Variants in PTCH1 observed in about 807,000 individuals in gnomAD.
PTCH1 encodes protein patched homolog 1.
In PTCH1, 14 loss-of-function variants were observed where a neutral mutation model predicts 144.6. That is an observed-to-expected ratio of 0.10 (90% CI 0.06 to 0.15). PTCH1 has a LOEUF of 0.15. Among genes scored for constraint, PTCH1 ranks in the 10% least tolerant of loss-of-function variants. PTCH1 has a pLI of 1.00. For missense variants in PTCH1, 1,623 were observed against 1,948.3 expected, an observed-to-expected ratio of 0.83 and a Z score of 3.14; for synonymous variants, 833 against 793.6, an observed-to-expected ratio of 1.05 and a Z score of -0.83.
At chr9:95,507,933 C>CA in intron 1 of PTCH1, 1 of 1,440,850 alleles carries the variant, frequency 6.9e-7, no homozygotes, top group Non-Finnish European at 9.2e-7. Flanking sequence ...CACACACACA[C>CA]CTCCACCCCC....
Position 95,469,217 on chromosome 9 carries a change from C to T in PTCH1, c.1848-64G>A, listed in dbSNP as rs1840335440. On this transcript the variant is annotated intron_variant, in intron 13 of 23. Transcript: ENST00000331920. ...ACAGGGAAATGGTGCTTTCATTCTG[C>T]CATTTTTCACTGTGTACGGAGAATA... 2.5e-6 allele frequency: 4 copies of T among 1,597,688 alleles called. No individual in the cohort carries two copies. The African/African-American group carries it at 4.0e-5, about 16-fold the overall frequency.
chr9:95,478,141 A>C lies in PTCH1; in HGVS notation c.1261T>G (p.Ser421Ala). Reference sequence around the variant, plus strand: ...TCGTCCAGGGTCGTGGTGGTGAAGGAAAGCACCTTTTGAGTGGAGTTCTGT... The same window carrying C: ...TCGTCCAGGGTCGTGGTGGTGAAGGCAAGCACCTTTTGAGTGGAGTTCTGT... ...VAQNSTQKVL[S>A]FTTTTLDDIL... The change falls in exon 9 of 24, where the codon TCC (serine) becomes GCC (alanine). Residue 421 changes from serine to alanine, a missense_variant. Around this residue, in one of 7 missense-constraint regions of PTCH1, gnomAD observed 230 missense variants for 271.0 expected, o/e 0.85. Coordinates refer to ENST00000331920, the MANE Select transcript of PTCH1 (RefSeq NM_000264.5). The C allele has an allele frequency of 6.2e-7, 1 of 1,614,186 alleles. No individual in the cohort carries two copies. The highest frequency in any genetic ancestry group is 8.5e-7 in the Non-Finnish European group (1 of 1,180,038).
At chr9:95,515,248 G>C (rs1376922139) in intron 1 of PTCH1, among the ~76,000 whole-genome samples, 2 of 152,184 alleles carry the variant, frequency 1.3e-5, no homozygotes, top group Non-Finnish European at 2.9e-5. Flanking sequence ...GCTGAAAAAG[G>C]ACTATTGTGG....
At chr9:95,463,107 C>A (rs1788895954) in intron 15 of PTCH1, among the ~76,000 whole-genome samples, 1 of 151,748 alleles carries the variant, frequency 6.6e-6, no homozygotes, top group Non-Finnish European at 1.5e-5. Context: ...TTGGACACGG[C>A]TAGTAAGAAG....
At chr9:95,509,664 A>AT (rs1393109039), upstream of PTCH1, among the ~76,000 whole-genome samples, 3 of 152,130 alleles carry the variant, frequency 2.0e-5, no homozygotes, top group Non-Finnish European at 4.4e-5. Flanking sequence ...GAAATGTAAT[A>AT]TTTTTTTAAG....
Position 95,449,425 on chromosome 9 carries a change from CCCT to C in PTCH1, c.3550-105_3550-103del. 6.8e-7 allele frequency: 1 copy of C among 1,464,370 alleles called. No individual in the cohort carries two copies. The allele number at this position is 1,464,370 out of a possible 1,614,324, so 90.7% of individuals were successfully genotyped here. On this transcript the variant is annotated intron_variant, in intron 21 of 23. Coordinates refer to ENST00000331920, the MANE Select transcript of PTCH1 (RefSeq NM_000264.5). This position sits in a 1 kb window ranked among gnomAD's most constrained non-coding sequence, Gnocchi z 5.3. ...ATTTTTCAGGGGCCTCTGTTCCCTG[CCCT>C]GGGGCCCTGCGCACTGTGCCGTATT... is the stretch of plus-strand genomic sequence containing the variant.
In PTCH1 at chr9:95,477,615, G is replaced by T; in HGVS notation, c.1435C>A (p.Leu479Met). 1 of 1,614,230 alleles carries T rather than the reference G, an allele frequency of 6.2e-7. No homozygotes were observed. The highest frequency in any genetic ancestry group is 8.5e-7 in the Non-Finnish European group (1 of 1,180,040). Residue 479 changes from leucine (L) to methionine (M), a missense_variant, in exon 10 of 24, where the codon CTG becomes ATG. Physicochemically the swap from Leu to Met is conservative, Grantham distance 15. Transcript: ENST00000331920. ...AGGCCCAGTCCTGCAGCCACTGACA[G>T]TGCAACCAGCAGGACGCCAGCCAGC... is the stretch of plus-strand genomic sequence containing the variant. Reference protein sequence around the residue: ...VGLAGVLLVALSVAAGLGLCS... With the variant: ...VGLAGVLLVAMSVAAGLGLCS...
In PTCH1 at chr9:95,449,101, C is replaced by T. The variant is rs148350525; in HGVS notation, c.3772G>A (p.Ala1258Thr). The change falls in exon 22 of 24, where the codon GCC (alanine) becomes ACC (threonine). Residue 1258 changes from alanine to threonine, a missense_variant. Transcript: ENST00000331920. The surrounding 1 kb of genome is among the most constrained non-coding windows in gnomAD (Gnocchi z 5.3). ...TGGGCGAAGACGGGGTTTTCTGTGG[C>T]TTCCACGATCACTTGGTGGGCAGGG... ...GGPAHQVIVE[A>T]TENPVFAHST... The T allele has an allele frequency of 6.2e-7, 1 of 1,614,114 alleles. No individual in the cohort carries two copies. The highest frequency in any genetic ancestry group is 1.3e-5 in the African/African-American group (1 of 74,958).
chr9:95,470,812 C>G (rs535776134), intron 12 of PTCH1, among the ~76,000 whole-genome samples: 9 of 152,080 alleles, frequency 5.9e-5, no homozygotes, highest in African/African-American at 2.2e-4. Flanking sequence ...CGGTGGCTCA[C>G]GCCTATAATC....
At chr9:95,510,781 G>A (rs1296474841), upstream of PTCH1, among the ~76,000 whole-genome samples, 3 of 151,598 alleles carry the variant, frequency 2.0e-5, no homozygotes, top group Admixed American at 6.6e-5. Flanking sequence ...CCCAGATGGA[G>A]GGAAAGGGGG....
At chr9:95,504,476 C>T (rs1229591946) in intron 2 of PTCH1, among the ~76,000 whole-genome samples, 4 of 152,212 alleles carry the variant, frequency 2.6e-5, no homozygotes, top group Non-Finnish European at 4.4e-5. Flanking sequence ...AAGAACACCA[C>T]AAAATCACGT....
intron 2 of PTCH1, among the ~76,000 whole-genome samples, chr9:95,490,519 T>TCACACACACACA (rs536111739): frequency 0.014 from 1,680 of 119,830 alleles, 39 homozygotes; most frequent in African/African-American, 0.052. Context: ...ACCTTCTATG[T>TCACACACACACA]GACACACACA....
chr9:95,500,062 C>G (rs1843047231), intron 2 of PTCH1, among the ~76,000 whole-genome samples: 1 of 152,166 alleles, frequency 6.6e-6, no homozygotes, highest in Non-Finnish European at 1.5e-5. Context: ...TTGTGGAAAC[C>G]AGACAAATCT....
At position 95,476,048 on chromosome 9, in the gene PTCH1, C is replaced by T. The variant is rs1588596119; in HGVS notation, c.1714G>A (p.Ala572Thr). 1 of 1,613,946 alleles carries T rather than the reference C, an allele frequency of 6.2e-7. No homozygotes were observed. Among genetic ancestry groups the T allele is most frequent in the Non-Finnish European group, 8.5e-7 (1 of 1,180,030 alleles). ...AALIPIPALRAFSLQAAVVVV... is the reference protein window; with the variant it reads ...AALIPIPALRTFSLQAAVVVV... The stretch of plus-strand genomic sequence containing the variant: ...CAGAAGCTCACCTGGAGGGAGAACG[C>T]CCGCAGAGCGGGAATTGGGATTAAC... Residue 572 changes from alanine (A) to threonine (T), a missense_variant, in exon 12 of 24, where the codon GCG becomes ACG. Around this residue, in one of 7 missense-constraint regions of PTCH1, gnomAD observed 135 missense variants for 228.7 expected, o/e 0.59. Transcript: ENST00000331920. This position sits in a 1 kb window ranked among gnomAD's most constrained non-coding sequence, Gnocchi z 4.6.
chr9:95,469,234 C>A (rs954832195), intron 13 of PTCH1, 81 bp from the exon 14 acceptor site: 1 of 1,554,984 alleles, frequency 6.4e-7, no homozygotes, highest in East Asian at 2.2e-5. Context: ...TCACTGTGTA[C>A]GGAGAATACC....
intron 15 of PTCH1, among the ~76,000 whole-genome samples, chr9:95,466,878 A>C (rs1840048222): frequency 6.6e-6 from 1 of 152,214 alleles, no homozygotes; most frequent in Non-Finnish European, 1.5e-5. Flanking sequence ...CCTGACGTGC[A>C]CTTGTACATT....
At chr9:95,490,298 C>T (rs936058210) in intron 2 of PTCH1, among the ~76,000 whole-genome samples, 4 of 151,556 alleles carry the variant, frequency 2.6e-5, no homozygotes, top group East Asian at 2.0e-4. Flanking sequence ...CACAGATAAA[C>T]GTATTTATCT....
At chr9:95,477,231 C>T (rs529595520) in intron 10 of PTCH1, among the ~76,000 whole-genome samples, 11 of 152,188 alleles carry the variant, frequency 7.2e-5, no homozygotes, top group Non-Finnish European at 1.2e-4. Context: ...GCCTGGCAAT[C>T]GGAGCTTTCA....
intron 2 of PTCH1, among the ~76,000 whole-genome samples, chr9:95,498,516 A>G (rs1842932897): frequency 6.6e-6 from 1 of 152,194 alleles, no homozygotes; most frequent in Admixed American, 6.5e-5. Context: ...TGGAGGGACT[A>G]AGGATGGGGC....
Sources: allele counts gnomAD v4.1 joint callset (sites outside exome capture counted in the v4.1 genomes callset), GRCh38; gene constraint gnomAD v4.1.1; regional missense constraint gnomAD v4.1.1; non-coding constraint Gnocchi (gnomAD v3.1); transcripts MANE v1.5; gene names NCBI Gene and HGNC (gene_info 2026-07-23, HGNC 2026-07-21).